The following TRIP4 variants were observed in gnomAD, a reference collection of about 807,000 sequenced individuals.
TRIP4 encodes the protein activating signal cointegrator 1.
In TRIP4, 54 loss-of-function variants were observed where a neutral mutation model predicts 81.8. That is an observed-to-expected ratio of 0.66 (90% CI 0.53 to 0.83). The LOEUF is 0.83. Among genes scored for constraint, TRIP4 ranks in the 40% least tolerant of loss-of-function variants. TRIP4 has a pLI of 0.00. For missense variants in TRIP4, 662 were observed against 683.6 expected (o/e 0.97, Z 0.35); for synonymous variants, 270 against 242.8 (o/e 1.11, Z -1.04).
At chr15:64,422,595 A>T (rs1892043960) in intron 9 of TRIP4, among the ~76,000 whole-genome samples, 1 of 152,210 alleles carries the variant, frequency 6.6e-6, no homozygotes, top group Non-Finnish European at 1.5e-5. Flanking sequence ...TGTTCTTCTC[A>T]TTGAGTTTTC....
chr15:64,394,205 G>A, intron 2 of TRIP4, 90 bp downstream of exon 2: 13 of 1,210,248 alleles, frequency 1.1e-5, no homozygotes, highest in Non-Finnish European at 1.4e-5. Flanking sequence ...TTGCCATCTT[G>A]TGTTTCTTCA....
chr15:64,418,798 T>C, intron 9 of TRIP4, 70 bp downstream of exon 9: 1 of 1,401,154 alleles, frequency 7.1e-7, no homozygotes, highest in Non-Finnish European at 9.5e-7. Flanking sequence ...GAAATATGAA[T>C]TGGAATTAGT....
intron 11 of TRIP4, among the ~76,000 whole-genome samples, chr15:64,440,282 A>C (rs1427166769): frequency 6.6e-6 from 1 of 151,942 alleles, no homozygotes; most frequent in African/African-American, 2.4e-5. Flanking sequence ...TCCAGAGCTT[A>C]TTCACATTCT....
At chr15:64,446,274 C>CA (rs1222241880) in intron 12 of TRIP4, among the ~76,000 whole-genome samples, 5 of 150,904 alleles carry the variant, frequency 3.3e-5, no homozygotes, top group Non-Finnish European at 5.9e-5. Context: ...AACTCCATCT[C>CA]AAAAAAAAGA....
At chr15:64,399,991 GA>G (rs1431448105) in intron 4 of TRIP4, among the ~76,000 whole-genome samples, 2 of 149,294 alleles carry the variant, frequency 1.3e-5, no homozygotes, top group Admixed American at 6.7e-5. Flanking sequence ...AAAAAAGAAA[GA>G]AAAAAAGAAA....
intron 11 of TRIP4, among the ~76,000 whole-genome samples, chr15:64,442,454 G>A (rs1045417945): frequency 2.0e-5 from 3 of 151,752 alleles, no homozygotes; most frequent in South Asian, 2.1e-4. Context: ...TTTTTTTAAC[G>A]TTTTATTTTT....
chr15:64,392,358 GTC>G (rs1350374440), intron 1 of TRIP4, among the ~76,000 whole-genome samples: 1 of 152,142 alleles, frequency 6.6e-6, no homozygotes, highest in Non-Finnish European at 1.5e-5. Flanking sequence ...AGTTTTGCAA[GTC>G]TTTGATAGCA....
chr15:64,418,042 T>C (rs1458928911), intron 8 of TRIP4, among the ~76,000 whole-genome samples: 1 of 152,238 alleles, frequency 6.6e-6, no homozygotes, highest in Non-Finnish European at 1.5e-5. Flanking sequence ...ACCTGAGACT[T>C]CTACTGAATG....
chr15:64,453,439 G>A (rs1283058419), intron 12 of TRIP4, among the ~76,000 whole-genome samples: 7 of 152,160 alleles, frequency 4.6e-5, no homozygotes, highest in East Asian at 3.9e-4. Flanking sequence ...TTTATTGAGC[G>A]TCTACCATTT....
rs767532416 is a variant in TRIP4 at position 64,445,071 on chromosome 15, G to C, written c.1641G>C (p.Met547Ile). ...TCATCTGCAAAAATCCTCAGGAAAT[G>C]GTTGTGAAGTTTCCTATTAAAGGAA... The part of the protein sequence containing the change: ...FVFICKNPQE[M>I]VVKFPIKGNP... The change falls in exon 12 of 13, where the codon ATG becomes ATC. Residue 547 changes from methionine (M) to isoleucine (I), a missense_variant. By Grantham distance (10) the Met-to-Ile change is conservative (BLOSUM62 1). Transcript: ENST00000261884. 1 of 1,606,112 alleles carries C rather than the reference G, an allele frequency of 6.2e-7. No homozygotes were observed. The highest frequency in any genetic ancestry group is 1.3e-5 in the African/African-American group (1 of 74,500).
intron 4 of TRIP4, among the ~76,000 whole-genome samples, chr15:64,398,532 G>A (rs1391225007): frequency 6.6e-6 from 1 of 150,830 alleles, no homozygotes; most frequent in Non-Finnish European, 1.5e-5. Flanking sequence ...AGCTTCACTT[G>A]ATCCCAGGAC....
rs1892847980 is a variant in TRIP4, at chr15:64,454,721, A to G, written c.1679-276A>G. Reference sequence around the variant, plus strand: ...TAGCATCAAACCCCTTAAAAATGTGATTATTTCTTTTCTAGTAGCTACAAA... The same window carrying G: ...TAGCATCAAACCCCTTAAAAATGTGGTTATTTCTTTTCTAGTAGCTACAAA... On this transcript the variant is annotated intron_variant, in intron 12 of 12. Transcript: ENST00000261884. 2.0e-5 allele frequency among the ~76,000 whole-genome samples: 3 copies of G among 152,150 alleles called. No individual in the cohort carries two copies. The South Asian group carries it at 6.2e-4, about 32-fold the overall frequency.
At chr15:64,425,073 G>A (rs1030549318) in intron 10 of TRIP4, among the ~76,000 whole-genome samples, 1 of 152,062 alleles carries the variant, frequency 6.6e-6, no homozygotes, top group African/African-American at 2.4e-5. Flanking sequence ...TACTGAGCCC[G>A]GCCTAAAAGC....
At chr15:64,416,451 G>T (rs1261313760) in intron 8 of TRIP4, among the ~76,000 whole-genome samples, 1 of 152,040 alleles carries the variant, frequency 6.6e-6, no homozygotes, top group Admixed American at 6.6e-5. Context: ...AGCCAGGTGT[G>T]GTGGCTCACG....
intron 1 of TRIP4, 79 bp downstream of exon 1, chr15:64,388,043 T>C: frequency 2.7e-6 from 4 of 1,459,144 alleles, no homozygotes; most frequent in Non-Finnish European, 3.6e-6. Context: ...CGGGGAGGAC[T>C]GAAAAGTTAA....
intron 12 of TRIP4, among the ~76,000 whole-genome samples, chr15:64,451,745 C>T (rs867050938): frequency 3.3e-5 from 5 of 151,162 alleles, no homozygotes; most frequent in Admixed American, 6.6e-5. Context: ...CCTCCAACTC[C>T]TGGGTTCAAG....
intron 10 of TRIP4, among the ~76,000 whole-genome samples, chr15:64,425,237 T>C (rs1038975588): frequency 1.1e-4 from 17 of 152,268 alleles, no homozygotes; most frequent in Admixed American, 1.1e-3. Flanking sequence ...TCTGATCCAA[T>C]GGCGTATAGT....
intron 12 of TRIP4, chr15:64,450,816 GA>G (rs971542326): frequency 2.1e-4 from 97 of 451,346 alleles, no homozygotes; most frequent in African/African-American, 1.7e-3. Flanking sequence ...GTTTTATTCT[GA>G]TGGGTTGATC....
chr15:64,439,419 C>A, intron 11 of TRIP4, among the ~76,000 whole-genome samples: 1 of 151,446 alleles, frequency 6.6e-6, no homozygotes, highest in East Asian at 1.9e-4. Flanking sequence ...AAATTCAGAC[C>A]AAGAATGCCT....
Sources: allele counts gnomAD v4.1 joint callset (sites outside exome capture counted in the v4.1 genomes callset), GRCh38; gene constraint gnomAD v4.1.1; transcripts MANE v1.5; gene names NCBI Gene and HGNC (gene_info 2026-07-23, HGNC 2026-07-21).